The following GABRG3 variants were observed in gnomAD, a reference collection of about 807,000 sequenced individuals.
GABRG3 encodes the protein gamma-aminobutyric acid type A receptor subunit gamma3.
GABRG3 carries 25 observed loss-of-function variants against 48.8 expected under a neutral mutation model. That is an observed-to-expected ratio of 0.51 (90% CI 0.37 to 0.72). GABRG3 has a LOEUF of 0.72. GABRG3 is among the 30% of genes least tolerant of loss of function. GABRG3 has a pLI of 0.00. For synonymous variants in GABRG3, 227 were observed against 217.6 expected (o/e 1.04, Z -0.38); for missense variants, 394 against 577.9 (o/e 0.68, Z 3.26).
chr15:27,113,346 A>G (rs1418493258), intron 3 of GABRG3, among the ~76,000 whole-genome samples: 2 of 152,004 alleles, frequency 1.3e-5, no homozygotes, highest in African/African-American at 4.8e-5. Context: ...TTAGTTCTCT[A>G]GTGACCCCCT....
At chr15:27,345,727 G>T (rs995202309) in intron 5 of GABRG3, among the ~76,000 whole-genome samples, 1 of 152,100 alleles carries the variant, frequency 6.6e-6, no homozygotes, top group Non-Finnish European at 1.5e-5. Context: ...GGGTAGGTCT[G>T]CTCTTGACAA....
chr15:27,488,718 T>C (rs1440113889), intron 6 of GABRG3, among the ~76,000 whole-genome samples: 1 of 152,194 alleles, frequency 6.6e-6, no homozygotes, highest in Non-Finnish European at 1.5e-5. Context: ...AGGATAAATA[T>C]ATCCCTTTGC....
rs1315445117 is a variant in GABRG3, at chr15:27,480,777, A to G, written c.702A>G (p.Thr234=). The G allele has an allele frequency of 6.2e-7, 1 of 1,613,642 alleles. No homozygotes were observed. Among genetic ancestry groups the G allele is most frequent in the Non-Finnish European group, 8.5e-7 (1 of 1,179,818 alleles). ...MGLRNTTEIV[T]TSAGDYVVMT... ...TCAGAAACACCACAGAAATCGTGAC[A>G]ACGTCTGCAGGTAGGAATTTACTGA... The change falls in exon 6 of 10, where the codon ACA becomes ACG. Residue 234 remains threonine (T), a synonymous_variant. Transcript: ENST00000615808.
chr15:27,122,561 A>C (rs1897749558), intron 3 of GABRG3, among the ~76,000 whole-genome samples: 1 of 152,196 alleles, frequency 6.6e-6, no homozygotes, highest in South Asian at 2.1e-4. Flanking sequence ...CACTTGGTAA[A>C]AAATAAAAGC....
In GABRG3 at chr15:27,378,768, C is replaced by T. The variant is rs145721423; in HGVS notation, c.574+49880C>T. 5.3e-3 allele frequency among the ~76,000 whole-genome samples: 813 copies of T among 152,210 alleles called. 8 individuals are homozygous for T. The highest frequency in any genetic ancestry group is 0.018 in the African/African-American group (763 of 41,520). ...TGACTTTATGAAAGAGATTTCATTT[C>T]GCTGGAAAATTACACTCAGATCATG... On this transcript the variant is annotated intron_variant, in intron 5 of 9. Transcript: ENST00000615808.
intron 3 of GABRG3, among the ~76,000 whole-genome samples, chr15:27,034,467 A>G (rs1023350339): frequency 6.6e-6 from 1 of 152,238 alleles, no homozygotes; most frequent in African/African-American, 2.4e-5. Context: ...CACTGGAAGA[A>G]TAACTCTTTC....
At chr15:27,015,102 T>G (rs187111109) in intron 2 of GABRG3, among the ~76,000 whole-genome samples, 1 of 152,320 alleles carries the variant, frequency 6.6e-6, no homozygotes, top group African/African-American at 2.4e-5. Flanking sequence ...TTTCTTTAGG[T>G]TCCCATTTGC....
chr15:27,332,753 T>C (rs1893843726), intron 5 of GABRG3, among the ~76,000 whole-genome samples: 1 of 152,226 alleles, frequency 6.6e-6, no homozygotes, highest in South Asian at 2.1e-4. Flanking sequence ...AGATATAAAG[T>C]GATCATAAAA....
At position 27,326,860 on chromosome 15, in the gene GABRG3, C is replaced by G; in HGVS notation, c.322C>G (p.Arg108Gly). The G allele has an allele frequency of 6.2e-7, 1 of 1,613,968 alleles. No individual in the cohort carries two copies. Among genetic ancestry groups the G allele is most frequent in the Non-Finnish European group, 8.5e-7 (1 of 1,179,886 alleles). The change falls in exon 4 of 10, where the codon CGA (arginine) becomes GGA (glycine). Residue 108 changes from arginine to glycine, a missense_variant. This residue lies in a region of GABRG3 where 218 missense variants were observed against 309.9 expected (regional missense o/e 0.70). Transcript: ENST00000615808. Reference sequence around the variant, plus strand: ...TCAGACCTGGACAGATAGTCGCCTTCGATTCAACAGCACAATGAAAATTCT... The same window carrying G: ...TCAGACCTGGACAGATAGTCGCCTTGGATTCAACAGCACAATGAAAATTCT... Reference protein sequence around the residue: ...FAQTWTDSRLRFNSTMKILTL... With the variant: ...FAQTWTDSRLGFNSTMKILTL...
chr15:27,384,491 A>G (rs1376548990), intron 5 of GABRG3, among the ~76,000 whole-genome samples: 1 of 152,220 alleles, frequency 6.6e-6, no homozygotes, highest in Non-Finnish European at 1.5e-5. Flanking sequence ...AGTGAAATAC[A>G]CACGCACACA....
chr15:27,126,107 C>T lies in GABRG3; in HGVS notation c.270+99286C>T, dbSNP rs142170364. On this transcript the variant is annotated intron_variant, in intron 3 of 9. Coordinates refer to ENST00000615808, the MANE Select transcript of GABRG3 (RefSeq NM_033223.5). ...GGGAGATTGGAGAGACACAATCTCACGTGCTTACAGCAACCAGCGGCATGA... is the reference window on the plus strand; with the variant it reads ...GGGAGATTGGAGAGACACAATCTCATGTGCTTACAGCAACCAGCGGCATGA... 8.6e-5 allele frequency among the ~76,000 whole-genome samples: 13 copies of T among 151,932 alleles called. No homozygotes were observed. In the East Asian group the frequency reaches 1.9e-3, roughly 23 times the overall value.
At chr15:27,291,726 G>A (rs572686471) in intron 3 of GABRG3, among the ~76,000 whole-genome samples, 18 of 152,230 alleles carry the variant, frequency 1.2e-4, no homozygotes, top group Admixed American at 2.0e-4. Context: ...AAACATCTGC[G>A]TCCTCAGTGG....
rs1891626679 is a variant in GABRG3, at chr15:27,539,820, TTG to T, written c.*6940_*6941del. ...ACAGAGAGGAAAAAAAGAAAAAATG[TTG>T]CATTCTTAAGCAATTAAAGACTCCT... On this transcript the variant is annotated 3_prime_UTR_variant, in exon 10 of 10. Transcript: ENST00000615808. 1 of 152,162 alleles carries T rather than the reference TTG, an allele frequency of 6.6e-6. No individual in the cohort carries two copies. Among genetic ancestry groups the T allele is most frequent in the African/African-American group, 2.4e-5 (1 of 41,434 alleles). 9.4% of individuals were successfully genotyped at this position (152,162 alleles called of 1,614,324 possible).
chr15:27,192,833 C>T (rs1888366469), intron 3 of GABRG3, among the ~76,000 whole-genome samples: 3 of 152,046 alleles, frequency 2.0e-5, no homozygotes, highest in Non-Finnish European at 4.4e-5. Context: ...TGTTTTTTCC[C>T]CATCTTTGTG....
intron 6 of GABRG3, among the ~76,000 whole-genome samples, chr15:27,486,606 A>G (rs1192740395): frequency 6.6e-6 from 1 of 152,118 alleles, no homozygotes; most frequent in Admixed American, 6.5e-5. Flanking sequence ...GTCAGACCAC[A>G]CTGTACTTGA....
intron 3 of GABRG3, among the ~76,000 whole-genome samples, chr15:27,313,260 GTGTATATATATATATATATATA>G (rs1206557918): frequency 0.03 from 1,482 of 49,552 alleles, 95 homozygotes; most frequent in African/African-American, 0.13. Flanking sequence ...GTGTGTGTGT[GTGTATATATATATATATATATA>G]TATATATATA....
intron 5 of GABRG3, among the ~76,000 whole-genome samples, chr15:27,420,912 T>C (rs1888093670): frequency 6.6e-6 from 1 of 152,222 alleles, no homozygotes; most frequent in Admixed American, 6.5e-5. Context: ...TCGGGGCTTG[T>C]GGATATTTGA....
chr15:27,083,574 C>T (rs987942277), intron 3 of GABRG3, among the ~76,000 whole-genome samples: 2 of 152,120 alleles, frequency 1.3e-5, no homozygotes, highest in African/African-American at 4.8e-5. Context: ...GATCCACCTG[C>T]CTCGGCCTCC....
Position 27,215,933 on chromosome 15 carries a change from G to A in GABRG3, c.271-110876G>A, listed in dbSNP as rs539764188. ...TGCAATTTACAAATAATCTATACTCGTGTCTTTTTCTGAGCTGTGCTTGCT... is the reference window on the plus strand; with the variant it reads ...TGCAATTTACAAATAATCTATACTCATGTCTTTTTCTGAGCTGTGCTTGCT... On this transcript the variant is annotated intron_variant, in intron 3 of 9. Coordinates refer to ENST00000615808, the MANE Select transcript of GABRG3 (RefSeq NM_033223.5). Among the ~76,000 whole-genome samples the A allele has an allele frequency of 6.6e-5, 10 of 152,292 alleles. No individual in the cohort carries two copies. In the East Asian group the frequency reaches 1.2e-3, roughly 18 times the overall value.
Sources: allele counts gnomAD v4.1 joint callset (sites outside exome capture counted in the v4.1 genomes callset), GRCh38; gene constraint gnomAD v4.1.1; regional missense constraint gnomAD v4.1.1; transcripts MANE v1.5; gene names NCBI Gene and HGNC (gene_info 2026-07-23, HGNC 2026-07-21).